Variants in PRDX1 observed in about 807,000 individuals in gnomAD.
PRDX1 encodes peroxiredoxin 1.
PRDX1 carries 19 observed loss-of-function variants against 20.7 expected under a neutral mutation model. That is an observed-to-expected ratio of 0.92 (90% CI 0.64 to 1.35). The LOEUF (loss-of-function observed/expected upper bound fraction) is 1.35. PRDX1 is among the 40% of genes most tolerant of loss of function. The pLI is 0.00. For missense variants in PRDX1, 226 were observed against 240.0 expected (o/e 0.94, Z 0.38); for synonymous variants, 89 against 83.9 (o/e 1.06, Z -0.33).
intron 5 of PRDX1, chr1:45,512,022 A>G (rs1348568851): frequency 6.6e-6 from 1 of 150,460 alleles, no homozygotes; most frequent in Non-Finnish European, 1.5e-5. Flanking sequence ...AATGTGCCTC[A>G]GGCTAGCCTG....
chr1:45,511,959 C>A (rs1434446971), intron 5 of PRDX1: 1 of 151,654 alleles, frequency 6.6e-6, no homozygotes, highest in East Asian at 1.9e-4. Flanking sequence ...TGAAATTTTT[C>A]ATAGATTTAT....
upstream of PRDX1, among the ~76,000 whole-genome samples, chr1:45,522,184 G>A (rs1181147236): frequency 2.6e-5 from 4 of 152,122 alleles, no homozygotes; most frequent in Non-Finnish European, 5.9e-5. Flanking sequence ...TTACTTCCAG[G>A]ACCACTACGC....
At chr1:45,515,620 A>AAAAAAAAAAAAAAAAAAAAAC in intron 3 of PRDX1, 34 bp downstream of exon 3, 1 of 1,494,152 alleles carries the variant, frequency 6.7e-7, no homozygotes, top group Non-Finnish European at 8.9e-7. Flanking sequence ...AAAAAAAAAA[A>AAAAAAAAAAAAAAAAAAAAAC]AAGTTCACAT....
chr1:45,511,722 C>A, intron 5 of PRDX1: 2 of 227,922 alleles, frequency 8.8e-6, no homozygotes, highest in Non-Finnish European at 1.7e-5. Flanking sequence ...GAAAAAAAAG[C>A]TAAATAAACG....
At chr1:45,514,360 C>T (rs1570844977) in intron 5 of PRDX1, 147 bp downstream of exon 5, 2 of 996,032 alleles carry the variant, frequency 2.0e-6, no homozygotes, top group Non-Finnish European at 3.0e-6. Flanking sequence ...GTCCCCTGGG[C>T]CCCCTTATTT....
chr1:45,522,211 C>T (rs1643921621), upstream of PRDX1, among the ~76,000 whole-genome samples: 1 of 152,158 alleles, frequency 6.6e-6, no homozygotes, highest in African/African-American at 2.4e-5. Context: ...CCCTCAATGC[C>T]CAAACTGGAG....
In PRDX1 at chr1:45,511,282, G is replaced by C; in HGVS notation, c.*47C>G. On this transcript the variant is annotated 3_prime_UTR_variant, in exon 6 of 6. Transcript: ENST00000319248. ...AAAAAAAAAATACAGAAGAGGTTTT[G>C]TTCTCATGGCTGCCCACCGCAGCCT... The C allele has an allele frequency of 6.9e-7, 1 of 1,444,408 alleles. No individual in the cohort carries two copies. 89.5% of individuals were successfully genotyped at this position (1,444,408 alleles called of 1,614,324 possible). A position where few individuals can be genotyped will look rare whatever the true frequency, so the allele number is the denominator to read the frequency against.
At chr1:45,521,026 C>T (rs938689495) in intron 1 of PRDX1, among the ~76,000 whole-genome samples, 2 of 152,232 alleles carry the variant, frequency 1.3e-5, no homozygotes, top group Admixed American at 6.5e-5. Context: ...AAACTTTTAA[C>T]TGTTTTTTAA....
intron 2 of PRDX1, among the ~76,000 whole-genome samples, chr1:45,518,483 A>AAAAAAAAAAAAC (rs1643880538): frequency 6.7e-6 from 1 of 150,066 alleles, no homozygotes; most frequent in Admixed American, 6.6e-5. Context: ...AAAAAAAAAA[A>AAAAAAAAAAAAC]AAAAAAAGTA....
At position 45,511,162 on chromosome 1, in the gene PRDX1, GAAGA is replaced by G. The variant is rs920118221; in HGVS notation, c.*163_*166del. Reference sequence around the variant, plus strand: ...CCAACTCAGGCCATTCCTACCAAAGGAAGAAAGGCTGGTCTCTCCACCCCCTGTA... The same window carrying G: ...CCAACTCAGGCCATTCCTACCAAAGGAAGGCTGGTCTCTCCACCCCCTGTA... On this transcript the variant is annotated 3_prime_UTR_variant, in exon 6 of 6. Coordinates refer to ENST00000319248, the MANE Select transcript of PRDX1 (RefSeq NM_181697.3). The G allele has an allele frequency of 5.0e-6, 3 of 596,436 alleles. No homozygotes were observed. The African/African-American group carries it at 5.6e-5, about 11-fold the overall frequency. 36.9% of individuals were successfully genotyped at this position (596,436 alleles called of 1,614,324 possible).
Position 45,514,551 on chromosome 1 carries a change from A to G in PRDX1, c.470T>C (p.Leu157Ser). The stretch of plus-strand genomic sequence containing the variant: ...GAACTGGAAGGCCTGAACTAGTCTC[A>G]AAGTCTCATCCACAGAGCGGCCAAC... The part of the protein sequence containing the change: ...LPVGRSVDET[L>S]RLVQAFQFTD... Residue 157 changes from leucine (L) to serine (S), a missense_variant, in exon 5 of 6, where the codon TTG becomes TCG. Coordinates refer to ENST00000319248, the MANE Select transcript of PRDX1 (RefSeq NM_181697.3). 6.2e-7 allele frequency: 1 copy of G among 1,614,118 alleles called. No homozygotes were observed. The highest frequency in any genetic ancestry group is 8.5e-7 in the Non-Finnish European group (1 of 1,179,940).
At chr1:45,516,525 GA>G (rs1183054065) in intron 2 of PRDX1, among the ~76,000 whole-genome samples, 1 of 152,066 alleles carries the variant, frequency 6.6e-6, no homozygotes, top group African/African-American at 2.4e-5. Flanking sequence ...GAGAGAGACA[GA>G]AAAGACAAAA....
chr1:45,520,161 C>G (rs1270397649), intron 1 of PRDX1, among the ~76,000 whole-genome samples: 1 of 145,190 alleles, frequency 6.9e-6, no homozygotes, highest in South Asian at 2.2e-4. Context: ...GCTGAGATCG[C>G]GCCACTGCAC....
At chr1:45,519,213 C>G (rs1643887479) in intron 1 of PRDX1, among the ~76,000 whole-genome samples, 159 bp from the exon 2 acceptor site, 1 of 152,252 alleles carries the variant, frequency 6.6e-6, no homozygotes, top group Admixed American at 6.5e-5. Context: ...AGCCAGCAGT[C>G]AAGGGTCACA....
At chr1:45,515,101 GT>G (rs1299809017) in intron 3 of PRDX1, 106 bp from the exon 4 acceptor site, 10 of 1,485,588 alleles carry the variant, frequency 6.7e-6, no homozygotes, top group African/African-American at 1.4e-5. Flanking sequence ...CAAAAAGACT[GT>G]TTTTTTTCCG....
Position 45,514,516 on chromosome 1 carries a change from G to A in PRDX1, c.505C>T (p.His169Tyr). Residue 169 changes from histidine to tyrosine, a missense_variant, in exon 5 of 6, where the codon CAT becomes TAT. By Grantham distance (83) the His-to-Tyr change is moderately conservative. Transcript: ENST00000319248. ...CAGACAGATGGCTTACCTTCCCCAT[G>A]TTTGTCAGTGAACTGGAAGGCCTGA... is the stretch of plus-strand genomic sequence containing the variant. ...LVQAFQFTDK[H>Y]GEVCPAGWKP... 3 of 1,614,080 alleles carry A rather than the reference G, an allele frequency of 1.9e-6. No homozygotes were observed. The highest frequency in any genetic ancestry group is 2.5e-6 in the Non-Finnish European group (3 of 1,180,010).
intron 2 of PRDX1, among the ~76,000 whole-genome samples, chr1:45,516,664 A>C (rs1321841401): frequency 6.6e-6 from 1 of 152,142 alleles, no homozygotes; most frequent in Non-Finnish European, 1.5e-5. Context: ...AAATACTAGA[A>C]CAATTCCAAA....
chr1:45,519,866 G>A (rs1643892231), intron 1 of PRDX1, among the ~76,000 whole-genome samples: 1 of 152,076 alleles, frequency 6.6e-6, no homozygotes, highest in South Asian at 2.1e-4. Flanking sequence ...CAAAATGCTG[G>A]GATTACAGGC....
rs1185841758 is a variant in PRDX1, at chr1:45,514,562, C to T, written c.459G>A (p.Val153=). The change falls in exon 5 of 6, where the codon GTG becomes GTA. Residue 153 remains valine, a synonymous_variant. Transcript: ENST00000319248. Reference sequence around the variant, plus strand: ...CCTGAACTAGTCTCAAAGTCTCATCCACAGAGCGGCCAACAGGGAGGTCAT... The same window carrying T: ...CCTGAACTAGTCTCAAAGTCTCATCTACAGAGCGGCCAACAGGGAGGTCAT... The part of the protein sequence containing the change: ...TVNDLPVGRS[V]DETLRLVQAF... 1 of 1,613,958 alleles carries T rather than the reference C, an allele frequency of 6.2e-7. No homozygotes were observed. Among genetic ancestry groups the T allele is most frequent in the Non-Finnish European group, 8.5e-7 (1 of 1,179,942 alleles).
Sources: gnomAD v4.1 joint callset for allele counts (sites outside exome capture counted in the v4.1 genomes callset) on GRCh38, gnomAD v4.1.1 for gene constraint, MANE v1.5 for transcripts, NCBI Gene and HGNC (gene_info 2026-07-23, HGNC 2026-07-21) for gene names.